Variants in DPP6 observed in about 807,000 individuals in gnomAD.
The protein encoded by DPP6 is A-type potassium channel modulatory protein DPP6.
In DPP6, 69 loss-of-function variants were observed where a neutral mutation model predicts 122.6. The ratio of observed to expected loss-of-function variants is 0.56; its 90% CI spans 0.46 to 0.69. The LOEUF (loss-of-function observed/expected upper bound fraction) is 0.69. Among genes scored for constraint, DPP6 ranks in the 30% least tolerant of loss-of-function variants. DPP6 has a pLI of 0.00. For missense variants in DPP6, 928 were observed against 1,116.9 expected, an observed-to-expected ratio of 0.83 and a Z score of 2.41; for synonymous variants, 418 against 433.1, an observed-to-expected ratio of 0.97 and a Z score of 0.43.
intron 1 of DPP6, among the ~76,000 whole-genome samples, chr7:153,969,003 A>G (rs926757032): frequency 5.3e-5 from 8 of 151,268 alleles, no homozygotes; most frequent in Admixed American, 2.6e-4. Context: ...CTGTTGATCA[A>G]TGGTGGACAT....
intron 1 of DPP6, among the ~76,000 whole-genome samples, chr7:154,292,604 T>C (rs1805280992): frequency 6.6e-6 from 1 of 152,208 alleles, no homozygotes; most frequent in Non-Finnish European, 1.5e-5. Flanking sequence ...CTGAGGTTTC[T>C]GAAGGACTTG....
intron 3 of DPP6, among the ~76,000 whole-genome samples, chr7:154,479,803 A>T (rs1450907664): frequency 1.3e-5 from 2 of 152,062 alleles, no homozygotes; most frequent in East Asian, 3.9e-4. Flanking sequence ...CTTTGTTTAC[A>T]TGGACCAATC....
intron 1 of DPP6, among the ~76,000 whole-genome samples, chr7:153,974,764 G>A (rs1796207846): frequency 6.6e-6 from 1 of 152,152 alleles, no homozygotes; most frequent in Non-Finnish European, 1.5e-5. Flanking sequence ...CAAGCGCTGT[G>A]TCATCAGAGA....
chr7:154,438,786 G>A lies in DPP6; in HGVS notation c.244-7428G>A, dbSNP rs570651981. Among the ~76,000 whole-genome samples the A allele has an allele frequency of 5.3e-5, 8 of 152,142 alleles. No homozygotes were observed. In the South Asian group the frequency reaches 6.2e-4, roughly 12 times the overall value. On this transcript the variant is annotated intron_variant, in intron 1 of 25. Transcript: ENST00000377770. Reference sequence around the variant, plus strand: ...CACTTAACTTCCCTCCCCACCTTCCGTTCTCATGGTTTGTGACAGCAGCCA... The same window carrying A: ...CACTTAACTTCCCTCCCCACCTTCCATTCTCATGGTTTGTGACAGCAGCCA...
At chr7:154,677,099 G>T (rs185396909) in intron 7 of DPP6, among the ~76,000 whole-genome samples, 3 of 152,160 alleles carry the variant, frequency 2.0e-5, no homozygotes, top group African/African-American at 7.2e-5. Flanking sequence ...CATTCTATGA[G>T]CTATTGTTAT....
intron 1 of DPP6, among the ~76,000 whole-genome samples, chr7:154,085,000 A>C (rs1804289190): frequency 6.6e-6 from 1 of 151,516 alleles, no homozygotes; most frequent in Non-Finnish European, 1.5e-5. Flanking sequence ...AAAAAAAAAA[A>C]AAAAAAAAAA....
chr7:154,091,504 T>C (rs1234131697), intron 1 of DPP6, among the ~76,000 whole-genome samples: 1 of 152,100 alleles, frequency 6.6e-6, no homozygotes, highest in East Asian at 1.9e-4. Flanking sequence ...TGTTCCCTAG[T>C]TTGTAGGCAG....
intron 10 of DPP6, among the ~76,000 whole-genome samples, chr7:154,787,933 G>A (rs977915581): frequency 6.6e-5 from 10 of 151,620 alleles, no homozygotes; most frequent in Non-Finnish European, 1.2e-4. Flanking sequence ...CCTTCTTTTT[G>A]CAATTTACTA....
intron 2 of DPP6, among the ~76,000 whole-genome samples, chr7:154,462,338 A>G (rs575600193): frequency 7.2e-5 from 11 of 152,148 alleles, no homozygotes; most frequent in Non-Finnish European, 1.3e-4. Flanking sequence ...AACTTTGGTT[A>G]TTGTGGATCT....
chr7:154,023,562 A>G (rs908665446), intron 1 of DPP6, among the ~76,000 whole-genome samples: 3 of 151,106 alleles, frequency 2.0e-5, no homozygotes, highest in Non-Finnish European at 4.4e-5. Context: ...GCTCATTGCA[A>G]CCTCCGCCTC....
At chr7:154,353,126 C>T (rs1811008322) in intron 1 of DPP6, among the ~76,000 whole-genome samples, 1 of 152,226 alleles carries the variant, frequency 6.6e-6, no homozygotes, top group South Asian at 2.1e-4. Flanking sequence ...CCCAGATGCA[C>T]TGAATCAGAC....
intron 1 of DPP6, among the ~76,000 whole-genome samples, chr7:154,211,200 G>T (rs538175460): frequency 6.6e-6 from 1 of 152,334 alleles, no homozygotes; most frequent in South Asian, 2.1e-4. Context: ...ACCAGCATCA[G>T]CATTATTTAG....
In DPP6 at chr7:154,877,177, G is replaced by A. The variant is rs1293264200; in HGVS notation, c.2078+1077G>A. Reference sequence around the variant, plus strand: ...TTGACGGCCCTGGTATGTACTCAGCGAATGGTCTTTCAATGGAAAACAATG... The same window carrying A: ...TTGACGGCCCTGGTATGTACTCAGCAAATGGTCTTTCAATGGAAAACAATG... On this transcript the variant is annotated intron_variant, in intron 20 of 25. Transcript: ENST00000377770. This position sits in a 1 kb window ranked among gnomAD's most constrained non-coding sequence, Gnocchi z 5.2. 2 of 152,194 alleles carry A rather than the reference G, an allele frequency of 1.3e-5. No homozygotes were observed. Among genetic ancestry groups the A allele is most frequent in the Admixed American group, 1.3e-4 (2 of 15,284 alleles). The allele number at this position is 152,194 out of a possible 1,614,324, so 9.4% of individuals were successfully genotyped here.
intron 3 of DPP6, among the ~76,000 whole-genome samples, chr7:154,494,782 A>G (rs1365164086): frequency 1.3e-5 from 2 of 152,166 alleles, no homozygotes; most frequent in Non-Finnish European, 2.9e-5. Context: ...TGCCTCCTCC[A>G]AGTCAACCAA....
intron 7 of DPP6, among the ~76,000 whole-genome samples, chr7:154,670,637 C>T (rs1260251972): frequency 6.6e-6 from 1 of 152,174 alleles, no homozygotes; most frequent in Non-Finnish European, 1.5e-5. Flanking sequence ...TTCAAGTCAC[C>T]ATTTTCTTCT....
chr7:154,413,336 A>T (rs1308961493), intron 1 of DPP6, among the ~76,000 whole-genome samples: 1 of 152,234 alleles, frequency 6.6e-6, no homozygotes, highest in Non-Finnish European at 1.5e-5. Flanking sequence ...CAGAGATCAC[A>T]GGCTGTTTCT....
At chr7:154,661,019 C>G (rs1837634323) in intron 6 of DPP6, among the ~76,000 whole-genome samples, 8 of 78,470 alleles carry the variant, frequency 1.0e-4, no homozygotes, top group African/African-American at 1.3e-4. Flanking sequence ...CATATTGGCG[C>G]TAGTATTCAT....
intron 3 of DPP6, among the ~76,000 whole-genome samples, chr7:154,499,215 G>A (rs1825011326): frequency 6.6e-6 from 1 of 152,206 alleles, no homozygotes; most frequent in Non-Finnish European, 1.5e-5. Flanking sequence ...AGACATTAGA[G>A]AAGAAAGGAG....
chr7:153,954,739 C>T (rs1229788060), intron 1 of DPP6, among the ~76,000 whole-genome samples: 2 of 152,292 alleles, frequency 1.3e-5, no homozygotes, highest in African/African-American at 4.8e-5. Context: ...CTCCAGCAGA[C>T]GGCCTTTGGA....
Sources: allele counts gnomAD v4.1 joint callset (sites outside exome capture counted in the v4.1 genomes callset), GRCh38; gene constraint gnomAD v4.1.1; non-coding constraint Gnocchi (gnomAD v3.1); transcripts MANE v1.5; gene names NCBI Gene and HGNC (gene_info 2026-07-23, HGNC 2026-07-21).